RUNDC3B: variants seen among roughly 807,000 people sequenced by gnomAD.
The protein encoded by RUNDC3B is RUN domain-containing protein 3B.
RUNDC3B carries 33 observed loss-of-function variants against 58.4 expected under a neutral mutation model. The observed-to-expected ratio is 0.56, with a 90% CI of 0.43 to 0.75. The LOEUF (loss-of-function observed/expected upper bound fraction) is 0.75, where lower values mean the gene tolerates loss of function less well. RUNDC3B is among the 30% of genes least tolerant of loss of function. The pLI, the probability that RUNDC3B is intolerant of heterozygous loss-of-function variation, is 0.00. For synonymous variants in RUNDC3B, 193 were observed against 195.2 expected (o/e 0.99, Z 0.10); for missense variants, 501 against 535.7 (o/e 0.94, Z 0.64).
chr7:87,750,485 A>C (rs1413468765), intron 6 of RUNDC3B, among the ~76,000 whole-genome samples: 13 of 151,900 alleles, frequency 8.6e-5, no homozygotes, highest in Non-Finnish European at 1.8e-4. Context: ...ACTAGTTTAC[A>C]GTCCCACCAA....
intron 2 of RUNDC3B, among the ~76,000 whole-genome samples, chr7:87,681,967 G>A (rs908122455): frequency 6.6e-6 from 1 of 152,194 alleles, no homozygotes; most frequent in Non-Finnish European, 1.5e-5. Flanking sequence ...TTTCAAAATT[G>A]GAGTCAATAC....
At chr7:87,755,868 C>G (rs1324530991) in intron 6 of RUNDC3B, among the ~76,000 whole-genome samples, 1 of 152,014 alleles carries the variant, frequency 6.6e-6, no homozygotes, top group Non-Finnish European at 1.5e-5. Context: ...AAGTCCTAGC[C>G]AGAGCAATCA....
chr7:87,808,320 CT>C (rs1836544561), intron 9 of RUNDC3B, among the ~76,000 whole-genome samples: 1 of 151,406 alleles, frequency 6.6e-6, no homozygotes, highest in Non-Finnish European at 1.5e-5. Flanking sequence ...TTTCTCTACT[CT>C]TTTAGAGTCC....
At position 87,830,520 on chromosome 7, in the gene RUNDC3B, A is replaced by G. The variant is rs1838076844; in HGVS notation, c.*490A>G. The G allele has an allele frequency of 6.7e-6, 1 of 149,682 alleles. No individual in the cohort carries two copies. Among genetic ancestry groups the G allele is most frequent in the African/African-American group, 2.5e-5 (1 of 40,728 alleles). 9.3% of individuals were successfully genotyped at this position (149,682 alleles called of 1,614,324 possible). On this transcript the variant is annotated 3_prime_UTR_variant, in exon 11 of 11. Coordinates refer to ENST00000394654, the MANE Select transcript of RUNDC3B (RefSeq NM_001134405.2). Reference sequence around the variant, plus strand: ...TCTATGCTTTAAATGCCTTGTTTTTAATAACGGGAAAGTTCTCAGCTGCAT... The same window carrying G: ...TCTATGCTTTAAATGCCTTGTTTTTGATAACGGGAAAGTTCTCAGCTGCAT...
intron 1 of RUNDC3B, among the ~76,000 whole-genome samples, chr7:87,644,721 G>T (rs1417331132): frequency 1.3e-5 from 2 of 151,768 alleles, no homozygotes; most frequent in Non-Finnish European, 2.9e-5. Context: ...AAAGGGATAG[G>T]AATATAATTT....
At chr7:87,827,609 A>C (rs1837887542) in intron 10 of RUNDC3B, among the ~76,000 whole-genome samples, 1 of 152,200 alleles carries the variant, frequency 6.6e-6, no homozygotes, top group Non-Finnish European at 1.5e-5. Context: ...TGCTAAAAAA[A>C]ATTAAGATAT....
At chr7:87,769,993 A>T (rs954276030) in intron 6 of RUNDC3B, among the ~76,000 whole-genome samples, 2 of 151,800 alleles carry the variant, frequency 1.3e-5, no homozygotes, top group African/African-American at 4.8e-5. Context: ...GGAATTTTAG[A>T]TATGGATTGT....
intron 4 of RUNDC3B, among the ~76,000 whole-genome samples, chr7:87,721,454 G>A (rs1307156129): frequency 6.6e-6 from 1 of 151,962 alleles, no homozygotes; most frequent in Non-Finnish European, 1.5e-5. Context: ...AATAATTATG[G>A]CAAAGGTACC....
chr7:87,821,578 G>A (rs543755931), intron 10 of RUNDC3B, among the ~76,000 whole-genome samples: 299 of 152,196 alleles, frequency 2.0e-3, no homozygotes, highest in African/African-American at 6.8e-3. Context: ...AGCCCGCATC[G>A]CCAAGTCAAT....
chr7:87,630,268 A>G (rs1001370315), intron 1 of RUNDC3B, among the ~76,000 whole-genome samples: 9 of 152,240 alleles, frequency 5.9e-5, no homozygotes, highest in Admixed American at 2.6e-4. Flanking sequence ...CTTAAATGCA[A>G]TAACTCACAG....
chr7:87,702,056 T>C (rs2130700453), intron 3 of RUNDC3B, among the ~76,000 whole-genome samples: 1 of 136,158 alleles, frequency 7.3e-6, no homozygotes, highest in Middle Eastern at 4.3e-3. Flanking sequence ...GGCAGGAGAA[T>C]GGCGTGAACC....
chr7:87,707,443 G>A (rs915012582), intron 3 of RUNDC3B, among the ~76,000 whole-genome samples: 1 of 152,134 alleles, frequency 6.6e-6, no homozygotes, highest in African/African-American at 2.4e-5. Flanking sequence ...GGAGACCAAG[G>A]TGAGCAGATC....
At chr7:87,728,160 A>G (rs1478308839) in intron 4 of RUNDC3B, among the ~76,000 whole-genome samples, 1 of 152,158 alleles carries the variant, frequency 6.6e-6, no homozygotes, top group Non-Finnish European at 1.5e-5. Context: ...ATTTTCTATG[A>G]TAGAAATCTG....
At chr7:87,755,945 G>A (rs952160832) in intron 6 of RUNDC3B, among the ~76,000 whole-genome samples, 1 of 152,018 alleles carries the variant, frequency 6.6e-6, no homozygotes, top group Non-Finnish European at 1.5e-5. Context: ...TACAAGAAGA[G>A]TAAAAAATTT....
At chr7:87,650,798 GCAA>G (rs1351486908) in intron 1 of RUNDC3B, 21 bp from the exon 2 acceptor site, 1 of 1,446,044 alleles carries the variant, frequency 6.9e-7, no homozygotes, top group Non-Finnish European at 9.7e-7. Context: ...CTGCCTAAAA[GCAA>G]CAATAATCTT....
intron 7 of RUNDC3B, among the ~76,000 whole-genome samples, chr7:87,773,918 T>C (rs1281798227): frequency 6.6e-6 from 1 of 152,116 alleles, no homozygotes; most frequent in Non-Finnish European, 1.5e-5. Context: ...CCTCAAGTGA[T>C]CTGCCCAACT....
chr7:87,697,758 C>A (rs930399673), intron 2 of RUNDC3B, among the ~76,000 whole-genome samples: 3 of 152,138 alleles, frequency 2.0e-5, no homozygotes, highest in African/African-American at 7.2e-5. Context: ...ACAGTACTAT[C>A]CAGTAGGTAC....
chr7:87,695,291 T>G (rs767775861), intron 2 of RUNDC3B, among the ~76,000 whole-genome samples: 22 of 152,134 alleles, frequency 1.4e-4, no homozygotes, highest in South Asian at 4.1e-4. Flanking sequence ...TAATAGTACC[T>G]TTTTAAAGGA....
intron 8 of RUNDC3B, among the ~76,000 whole-genome samples, chr7:87,791,448 G>A (rs1276995972): frequency 2.6e-5 from 4 of 152,082 alleles, no homozygotes; most frequent in Non-Finnish European, 5.9e-5. Context: ...TACTATAACT[G>A]TGGTATGCAA....
Sources: allele counts gnomAD v4.1 joint callset (sites outside exome capture counted in the v4.1 genomes callset), GRCh38; gene constraint gnomAD v4.1.1; transcripts MANE v1.5; gene names NCBI Gene and HGNC (gene_info 2026-07-23, HGNC 2026-07-21).